The following DNAJC15 variants were observed in gnomAD, a reference collection of about 807,000 sequenced individuals.
DNAJC15 encodes dnaJ homolog subfamily C member 15.
In DNAJC15, 27 loss-of-function variants were observed where a neutral mutation model predicts 22.4. The ratio of observed to expected loss-of-function variants is 1.20; its 90% confidence interval spans 0.89 to 1.66. The LOEUF is 1.66. DNAJC15 is among the 40% of genes most tolerant of loss of function. DNAJC15 has a pLI of 0.00. For synonymous variants in DNAJC15, 79 were observed against 63.2 expected (o/e 1.25, Z -1.19); for missense variants, 208 against 187.1 (o/e 1.11, Z -0.65).
intron 1 of DNAJC15, among the ~76,000 whole-genome samples, chr13:43,047,535 G>A (rs1254638079): frequency 6.6e-6 from 1 of 152,216 alleles, no homozygotes; most frequent in East Asian, 1.9e-4. Context: ...GTTCACATAG[G>A]TGCTGGTTAT....
chr13:43,030,727 C>G (rs1255921024), intron 1 of DNAJC15, among the ~76,000 whole-genome samples: 2 of 152,334 alleles, frequency 1.3e-5, no homozygotes, highest in East Asian at 3.9e-4. Flanking sequence ...CCTAGACTCT[C>G]AGACTGGGAA....
intron 5 of DNAJC15, among the ~76,000 whole-genome samples, chr13:43,091,504 A>G (rs148306561): frequency 0.013 from 1,971 of 152,292 alleles, 35 homozygotes; most frequent in African/African-American, 0.041. Flanking sequence ...TTTCAGGTCT[A>G]TTGTTACAAA....
intron 1 of DNAJC15, among the ~76,000 whole-genome samples, chr13:43,046,158 ATT>A (rs1242229911): frequency 7.1e-6 from 1 of 141,284 alleles, no homozygotes. Context: ...GATTATCTTC[ATT>A]TTTTTTTTTT....
intron 1 of DNAJC15, among the ~76,000 whole-genome samples, chr13:43,040,298 G>T (rs1332338499): frequency 6.6e-6 from 1 of 152,200 alleles, no homozygotes; most frequent in Non-Finnish European, 1.5e-5. Flanking sequence ...TTCAAATGCT[G>T]AAGGTTTTAA....
chr13:43,029,419 T>G (rs1265590258), intron 1 of DNAJC15, among the ~76,000 whole-genome samples: 1 of 152,224 alleles, frequency 6.6e-6, no homozygotes, highest in Non-Finnish European at 1.5e-5. Flanking sequence ...AAATAGAAAT[T>G]TTAGCATTTT....
chr13:43,082,274 C>T (rs1348977860), intron 4 of DNAJC15, among the ~76,000 whole-genome samples: 1 of 151,974 alleles, frequency 6.6e-6, no homozygotes, highest in Non-Finnish European at 1.5e-5. Context: ...CAGATGCATT[C>T]TAGGGAGGTG....
chr13:43,104,967 G>A (rs186111696), intron 5 of DNAJC15, among the ~76,000 whole-genome samples: 281 of 152,000 alleles, frequency 1.8e-3, no homozygotes, highest in Non-Finnish European at 3.0e-3. Flanking sequence ...GGGATTACAG[G>A]CGTGAGCCAC....
At chr13:43,083,825 G>T (rs892240705) in intron 4 of DNAJC15, among the ~76,000 whole-genome samples, 2 of 152,148 alleles carry the variant, frequency 1.3e-5, no homozygotes, top group Non-Finnish European at 2.9e-5. Context: ...GTACCTACAA[G>T]CCAAAAAGTA....
At chr13:43,103,332 A>T (rs1393200859) in intron 5 of DNAJC15, among the ~76,000 whole-genome samples, 2 of 151,918 alleles carry the variant, frequency 1.3e-5, no homozygotes, top group African/African-American at 2.4e-5. Flanking sequence ...AATGAAAATG[A>T]AATTATGAGA....
At chr13:43,070,283 T>G (rs1416678085) in intron 3 of DNAJC15, among the ~76,000 whole-genome samples, 1 of 152,196 alleles carries the variant, frequency 6.6e-6, no homozygotes, top group Non-Finnish European at 1.5e-5. Context: ...GGAACATAGG[T>G]GTATTTTCTG....
intron 3 of DNAJC15, among the ~76,000 whole-genome samples, chr13:43,076,943 C>T (rs2040636606): frequency 1.3e-5 from 2 of 152,194 alleles, no homozygotes; most frequent in African/African-American, 2.4e-5. Context: ...TCCTCCTTTA[C>T]TGCTAGGCCT....
At chr13:43,043,214 T>C (rs1053079335) in intron 1 of DNAJC15, among the ~76,000 whole-genome samples, 2 of 152,074 alleles carry the variant, frequency 1.3e-5, no homozygotes, top group African/African-American at 4.8e-5. Context: ...TTCAAGCGAG[T>C]CTCCCCCCTC....
At chr13:43,066,947 AAGTAAATTTGCTG>A (rs1566208699) in intron 2 of DNAJC15, among the ~76,000 whole-genome samples, 1 of 152,234 alleles carries the variant, frequency 6.6e-6, no homozygotes, top group Non-Finnish European at 1.5e-5. Context: ...TGAAGATCTA[AAGTAAATTTGCTG>A]AGTCTGTCAT....
intron 4 of DNAJC15, among the ~76,000 whole-genome samples, chr13:43,083,312 C>T (rs527790066): frequency 1.4e-4 from 21 of 152,098 alleles, no homozygotes; most frequent in African/African-American, 2.2e-4. Context: ...GGACCACAGG[C>T]GCCCGCCACC....
At position 43,107,910 on chromosome 13, in the gene DNAJC15, G is replaced by C. The variant is rs2040805766; in HGVS notation, c.*662G>C. The C allele has an allele frequency of 6.6e-6, 1 of 152,352 alleles. No homozygotes were observed. Among genetic ancestry groups the C allele is most frequent in the Non-Finnish European group, 1.5e-5 (1 of 68,004 alleles). 9.4% of individuals were successfully genotyped at this position (152,352 alleles called of 1,614,324 possible). ...GAGGAAAGGTTGAGAGAAGTCTGAG[G>C]AGTTTGTATTTAATTATAGTCTTCC... On this transcript the variant is annotated 3_prime_UTR_variant, in exon 6 of 6. Transcript: ENST00000379221.
intron 5 of DNAJC15, among the ~76,000 whole-genome samples, chr13:43,095,452 G>A (rs575934001): frequency 1.3e-5 from 2 of 152,182 alleles, no homozygotes; most frequent in African/African-American, 4.8e-5. Context: ...TTGTCCAAGT[G>A]GAAATAGAGA....
intron 3 of DNAJC15, among the ~76,000 whole-genome samples, chr13:43,074,299 C>G (rs1415379705): frequency 2.0e-5 from 3 of 152,080 alleles, no homozygotes; most frequent in Admixed American, 2.0e-4. Flanking sequence ...TAACATGGCA[C>G]TATAGCATTT....
chr13:43,097,494 T>C (rs536295306), intron 5 of DNAJC15, among the ~76,000 whole-genome samples: 33 of 152,298 alleles, frequency 2.2e-4, no homozygotes, highest in Admixed American at 1.0e-3. Flanking sequence ...TTACCTGTTA[T>C]GCAGTATTAG....
At chr13:43,045,611 G>A (rs2040473599) in intron 1 of DNAJC15, among the ~76,000 whole-genome samples, 1 of 152,168 alleles carries the variant, frequency 6.6e-6, no homozygotes, top group Admixed American at 6.5e-5. Flanking sequence ...GGTAACATCG[G>A]GTTCTAAGTC....
Sources: allele counts gnomAD v4.1 joint callset (sites outside exome capture counted in the v4.1 genomes callset), GRCh38; gene constraint gnomAD v4.1.1; transcripts MANE v1.5; gene names NCBI Gene and HGNC (gene_info 2026-07-23, HGNC 2026-07-21).